CFAP61: variants seen among roughly 807,000 people sequenced by gnomAD.
The protein encoded by CFAP61 is cilia- and flagella-associated protein 61.
Under a neutral mutation model 135.6 loss-of-function variants are expected in CFAP61, and 107 were observed. The observed-to-expected ratio is 0.79, with a 90% CI of 0.67 to 0.93. The LOEUF is 0.93. CFAP61 is among the 40% of genes least tolerant of loss of function. CFAP61 has a pLI of 0.00. For missense variants in CFAP61, 1,507 were observed against 1,556.2 expected (o/e 0.97, Z 0.53); for synonymous variants, 575 against 578.5 (o/e 0.99, Z 0.09).
intron 15 of CFAP61, among the ~76,000 whole-genome samples, chr20:20,193,045 A>C (rs992724825): frequency 1.3e-5 from 2 of 152,130 alleles, no homozygotes; most frequent in East Asian, 3.8e-4. Context: ...GCAGAAGAGC[A>C]TGAGGGATGT....
chr20:20,154,004 A>G (rs1463967887), intron 9 of CFAP61, among the ~76,000 whole-genome samples: 1 of 152,174 alleles, frequency 6.6e-6, no homozygotes, highest in Non-Finnish European at 1.5e-5. Flanking sequence ...TCAAAAAGAT[A>G]ATACACCATG....
intron 24 of CFAP61, among the ~76,000 whole-genome samples, chr20:20,297,658 T>C (rs931312706): frequency 6.6e-6 from 1 of 152,242 alleles, no homozygotes; most frequent in Admixed American, 6.5e-5. Context: ...CCCATAGCCT[T>C]GAACCTTCTT....
At chr20:20,151,723 G>A (rs758662539) in intron 9 of CFAP61, among the ~76,000 whole-genome samples, 8 of 151,518 alleles carry the variant, frequency 5.3e-5, no homozygotes, top group Non-Finnish European at 1.2e-4. Context: ...CCAGTTACTC[G>A]GGAGGCCGTG....
chr20:20,096,869 G>C (rs1371168096), intron 7 of CFAP61, among the ~76,000 whole-genome samples: 3 of 152,154 alleles, frequency 2.0e-5, no homozygotes, highest in Non-Finnish European at 4.4e-5. Context: ...AGTGTCAATG[G>C]CTTTATAAAA....
In CFAP61 at chr20:20,114,075, C is replaced by T. The variant is rs1175268371; in HGVS notation, c.859+15261C>T. Among the ~76,000 whole-genome samples the T allele has an allele frequency of 2.0e-5, 3 of 151,812 alleles. No homozygotes were observed. In the East Asian group the frequency reaches 5.8e-4, roughly 29 times the overall value. On this transcript the variant is annotated intron_variant, in intron 8 of 26. Coordinates refer to ENST00000245957, the MANE Select transcript of CFAP61 (RefSeq NM_015585.4). ...CTAGAGCTGAGGAGTTCGAGACCAC[C>T]CTGGGCAACATGGTGAAATCCTGTC...
At chr20:20,252,235 G>C (rs2050988631) in intron 20 of CFAP61, among the ~76,000 whole-genome samples, 1 of 152,180 alleles carries the variant, frequency 6.6e-6, no homozygotes, top group Non-Finnish European at 1.5e-5. Context: ...AAATCTGATT[G>C]ATTGGTTTCC....
intron 3 of CFAP61, 86 bp downstream of exon 3, chr20:20,071,090 G>T: frequency 1.5e-6 from 2 of 1,342,890 alleles, no homozygotes; most frequent in Non-Finnish European, 1.0e-6. Flanking sequence ...TCCAAGTTTT[G>T]TACTGAGCAG....
intron 25 of CFAP61, among the ~76,000 whole-genome samples, chr20:20,321,853 C>A (rs2057534380): frequency 6.6e-6 from 1 of 152,136 alleles, no homozygotes. Context: ...TGAACCTGGG[C>A]AAGCTTGTGA....
chr20:20,349,652 T>C (rs1036193728), intron 26 of CFAP61, among the ~76,000 whole-genome samples: 2 of 152,178 alleles, frequency 1.3e-5, no homozygotes, highest in Non-Finnish European at 1.5e-5. Context: ...TATAATAGCA[T>C]TAAAAAGAAT....
At position 20,277,315 on chromosome 20, in the gene CFAP61, G is replaced by T. The variant is rs562230972; in HGVS notation, c.2653G>T (p.Ala885Ser). ...CATCAACAACTACTCGGTGGAGAGC[G>T]CCGTGGCGGACGCGCTAGGAGCCGC... is the stretch of plus-strand genomic sequence containing the variant. ...TCINNYSVES[A>S]VADALGAAGV... The change falls in exon 22 of 27, where the codon GCC (alanine) becomes TCC (serine). Residue 885 changes from alanine (A) to serine (S), a missense_variant. Physicochemically the swap from Ala to Ser is moderately conservative, Grantham distance 99. Coordinates refer to ENST00000245957, the MANE Select transcript of CFAP61 (RefSeq NM_015585.4). 19 of 1,614,152 alleles carry T rather than the reference G, an allele frequency of 1.2e-5. No homozygotes were observed. The East Asian group carries it at 1.8e-4, about 15-fold the overall frequency.
At chr20:20,228,441 A>ATGGTGTTCTCTTCAGATGT in intron 18 of CFAP61, 65 bp downstream of exon 18, 1 of 1,389,064 alleles carries the variant, frequency 7.2e-7, no homozygotes, top group Non-Finnish European at 1.0e-6. Flanking sequence ...CCTACATCTG[A>ATGGTGTTCTCTTCAGATGT]AGAGAACACC....
In CFAP61 at chr20:20,204,826, G is replaced by A. The variant is rs150965776; in HGVS notation, c.1932+4924G>A. 2.1e-4 allele frequency among the ~76,000 whole-genome samples: 32 copies of A among 152,274 alleles called. No individual in the cohort carries two copies. The East Asian group carries it at 6.2e-3, about 29-fold the overall frequency. On this transcript the variant is annotated intron_variant, in intron 17 of 26. Transcript: ENST00000245957. ...GATGGGAGGCATATTTTCTTGAAAT[G>A]AAATTAACCCACTTTAAATCATCGC... is the stretch of plus-strand genomic sequence containing the variant.
At chr20:20,249,357 G>A (rs1375372170) in intron 19 of CFAP61, among the ~76,000 whole-genome samples, 1 of 151,858 alleles carries the variant, frequency 6.6e-6, no homozygotes, top group Non-Finnish European at 1.5e-5. Flanking sequence ...GCAACGTAGG[G>A]AGAGTCCCAT....
intron 6 of CFAP61, chr20:20,085,594 C>A: frequency 1.7e-6 from 2 of 1,155,992 alleles, no homozygotes; most frequent in Non-Finnish European, 2.4e-6. Context: ...AGGCCTAGGG[C>A]TCTGGGTCTT....
chr20:20,081,460 A>T (rs866638433), intron 6 of CFAP61, among the ~76,000 whole-genome samples: 1 of 152,344 alleles, frequency 6.6e-6, no homozygotes, highest in South Asian at 2.1e-4. Context: ...CAGCCCATTC[A>T]AAAATTCCCT....
rs147290599 is a variant in CFAP61 at position 20,070,975 on chromosome 20, C to G, written c.265C>G (p.Arg89Gly). 12 of 1,613,990 alleles carry G rather than the reference C, an allele frequency of 7.4e-6. No individual in the cohort carries two copies. The South Asian group carries it at 8.8e-5, about 12-fold the overall frequency. ...GCAGGATGACTGGGTGTCAGTGTTC[C>G]GGGAGCTCGACAGTGACATCCCATG... is the stretch of plus-strand genomic sequence containing the variant. ...AKQDDWVSVF[R>G]ELDSDIPCTP... is the part of the protein sequence containing the mutation. The change falls in exon 3 of 27, where the codon CGG becomes GGG. Residue 89 changes from arginine to glycine, a missense_variant. Physicochemically the swap from Arg to Gly is moderately radical, Grantham distance 125 (BLOSUM62 -2). Transcript: ENST00000245957.
intron 13 of CFAP61, among the ~76,000 whole-genome samples, chr20:20,178,928 T>C (rs577492454): frequency 6.6e-6 from 1 of 152,240 alleles, no homozygotes; most frequent in Non-Finnish European, 1.5e-5. Flanking sequence ...TCAAATTGTT[T>C]CATGATTCTA....
intron 26 of CFAP61, among the ~76,000 whole-genome samples, chr20:20,357,343 A>G (rs867118843): frequency 5.7e-3 from 38 of 6,720 alleles, no homozygotes; most frequent in African/African-American, 5.6e-3. Flanking sequence ...TGTGAGGGGA[A>G]GTGGTCACAC....
chr20:20,059,775 A>G (rs751095351), intron 2 of CFAP61, among the ~76,000 whole-genome samples: 8 of 152,204 alleles, frequency 5.3e-5, no homozygotes, highest in African/African-American at 1.4e-4. Flanking sequence ...GACAGAAGTA[A>G]TGAGCTGGAG....
Sources: allele counts gnomAD v4.1 joint callset (sites outside exome capture counted in the v4.1 genomes callset), GRCh38; gene constraint gnomAD v4.1.1; transcripts MANE v1.5; gene names NCBI Gene and HGNC (gene_info 2026-07-23, HGNC 2026-07-21).